The following PRR3 variants were observed in gnomAD, a reference collection of about 807,000 sequenced individuals.
PRR3 encodes the protein proline rich 3.
Under a neutral mutation model 22.4 loss-of-function variants are expected in PRR3, and 16 were observed. The observed-to-expected ratio is 0.71, with a 90% CI of 0.48 to 1.09. PRR3 has a LOEUF of 1.09. Among genes scored for constraint, PRR3 ranks in the 50% least tolerant of loss-of-function variants. The pLI is 0.00. For missense variants in PRR3, 224 were observed against 243.4 expected (o/e 0.92, Z 0.53); for synonymous variants, 87 against 88.6 (o/e 0.98, Z 0.10).
chr6:30,561,981 C>G lies in PRR3; in HGVS notation c.317C>G (p.Ala106Gly). The change falls in exon 3 of 4, where the codon GCA becomes GGA. Residue 106 changes from alanine (A) to glycine (G), a missense_variant. Transcript: ENST00000376560. The surrounding 1 kb of genome is among the most constrained non-coding windows in gnomAD (Gnocchi z 4.0). Reference protein sequence around the residue: ...PYGRGWWGVNAEPPFPGPGHG... With the variant: ...PYGRGWWGVNGEPPFPGPGHG... ...GGTCGTGGTTGGTGGGGAGTCAATG[C>G]AGAACCTCCTTTTCCGGGGCCAGGC... 6.2e-7 allele frequency: 1 copy of G among 1,613,068 alleles called. No individual in the cohort carries two copies. The highest frequency in any genetic ancestry group is 1.1e-5 in the South Asian group (1 of 91,086).
chr6:30,558,429 C>A, intron 2 of PRR3: 1 of 566,892 alleles, frequency 1.8e-6, no homozygotes, highest in East Asian at 2.8e-5. Flanking sequence ...CAAGTCAGAA[C>A]ACCCATAATG....
At chr6:30,562,320 C>G in intron 3 of PRR3, 69 bp from the exon 4 acceptor site, 1 of 1,283,036 alleles carries the variant, frequency 7.8e-7, no homozygotes, top group Non-Finnish European at 1.1e-6. Context: ...CCTTCTGTCT[C>G]TGCGTTTCAT....
chr6:30,559,809 C>CA (rs775433258), intron 2 of PRR3, among the ~76,000 whole-genome samples: 6,118 of 139,574 alleles, frequency 0.044, 192 homozygotes, highest in African/African-American at 0.095. Flanking sequence ...AGGTATATAT[C>CA]AAAAAAAAAA....
Position 30,563,452 on chromosome 6 carries a change from C to T in PRR3, c.*957C>T, listed in dbSNP as rs571643140. On this transcript the variant is annotated 3_prime_UTR_variant, in exon 4 of 4. Transcript: ENST00000376560. The stretch of plus-strand genomic sequence containing the variant: ...CATTCATTTGAATTCTGTGAATCTC[C>T]ACCTTGCCTATCTTTGGGTAGAAGC... The T allele has an allele frequency of 3.9e-5, 6 of 152,754 alleles. No individual in the cohort carries two copies. The East Asian group carries it at 9.7e-4, about 25-fold the overall frequency. The allele number at this position is 152,754 out of a possible 1,614,324, so 9.5% of individuals were successfully genotyped here.
In PRR3 at chr6:30,562,600, C is replaced by A; in HGVS notation, c.*105C>A. ...TACTGTGAGGCTCTTCTAACACCCT[C>A]AGTCAGTGACACACCCATCCCATCC... On this transcript the variant is annotated 3_prime_UTR_variant, in exon 4 of 4. Coordinates refer to ENST00000376560, the MANE Select transcript of PRR3 (RefSeq NM_025263.4). 1 of 727,998 alleles carries A rather than the reference C, an allele frequency of 1.4e-6. No individual in the cohort carries two copies. The highest frequency in any genetic ancestry group is 2.4e-6 in the Non-Finnish European group (1 of 418,100). 45.1% of individuals were successfully genotyped at this position (727,998 alleles called of 1,614,324 possible).
chr6:30,559,816 A>G (rs1273494166), intron 2 of PRR3, among the ~76,000 whole-genome samples: 1 of 152,164 alleles, frequency 6.6e-6, no homozygotes, highest in African/African-American at 2.4e-5. Context: ...TATCAAAAAA[A>G]AAAAAATGGA....
At chr6:30,558,755 T>C (rs997386179) in intron 2 of PRR3, among the ~76,000 whole-genome samples, 5 of 152,242 alleles carry the variant, frequency 3.3e-5, no homozygotes, top group African/African-American at 9.6e-5. Flanking sequence ...ATAGGACTTA[T>C]GTCCCGAAGA....
upstream of PRR3, chr6:30,557,040 G>A (rs942971506): frequency 2.7e-5 from 19 of 699,872 alleles, no homozygotes; most frequent in African/African-American, 3.3e-4. Context: ...TTGACTCTGT[G>A]ACACACTCTG....
chr6:30,558,128 A>G (rs1800380795), intron 1 of PRR3, 22 bp from the exon 2 acceptor site: 3 of 1,601,654 alleles, frequency 1.9e-6, no homozygotes, highest in Admixed American at 1.7e-5. Context: ...TCTGATGACC[A>G]TATTTTCATG....
chr6:30,557,011 C>T, upstream of PRR3: 2 of 685,120 alleles, frequency 2.9e-6, no homozygotes, highest in South Asian at 3.1e-5. Flanking sequence ...CTTCTCAGGC[C>T]CTCTGGCCCG....
At position 30,562,756 on chromosome 6, in the gene PRR3, ATCT is replaced by A. The variant is rs2127393282; in HGVS notation, c.*266_*268del. ...TTGCTTCCTTTCAGTTGCCTCCTGG[ATCT>A]TCTTTCCCGTCATCAAATGACTGCT... On this transcript the variant is annotated 3_prime_UTR_variant, in exon 4 of 4. Coordinates refer to ENST00000376560, the MANE Select transcript of PRR3 (RefSeq NM_025263.4). 2.7e-6 allele frequency: 1 copy of A among 377,344 alleles called. No individual in the cohort carries two copies. Among genetic ancestry groups the A allele is most frequent in the Admixed American group, 4.3e-5 (1 of 23,218 alleles). 23.4% of individuals were successfully genotyped at this position (377,344 alleles called of 1,614,324 possible).
Position 30,557,658 on chromosome 6 carries a change from T to G in PRR3, c.106+208T>G, listed in dbSNP as rs532296021. ...TCAACCTCAATACGGCCCCAGACCT[T>G]TCTGGAGAAGGCGGGGGTGGAGAGA... On this transcript the variant is annotated intron_variant, in intron 1 of 3. Transcript: ENST00000376560. Among the ~76,000 whole-genome samples the G allele has an allele frequency of 9.2e-5, 14 of 152,350 alleles. No individual in the cohort carries two copies. The South Asian group carries it at 1.9e-3, about 20-fold the overall frequency.
chr6:30,561,731 T>C lies in PRR3; in HGVS notation c.170-103T>C. ...TGCACTTAAAACTGGTGTGTCTTTA[T>C]GTATGCTGTTCTTCAATAAAAAAAA... On this transcript the variant is annotated intron_variant, in intron 2 of 3. Transcript: ENST00000376560. This position sits in a 1 kb window ranked among gnomAD's most constrained non-coding sequence, Gnocchi z 4.0. 1 of 1,024,428 alleles carries C rather than the reference T, an allele frequency of 9.8e-7. No individual in the cohort carries two copies. Among genetic ancestry groups the C allele is most frequent in the Non-Finnish European group, 1.4e-6 (1 of 721,648 alleles). The allele number at this position is 1,024,428 out of a possible 1,614,324, so 63.5% of individuals were successfully genotyped here.
At position 30,561,276 on chromosome 6, in the gene PRR3, GTA is replaced by G; in HGVS notation, c.170-556_170-555del. 2.2e-6 allele frequency: 1 copy of G among 448,408 alleles called. No individual in the cohort carries two copies. Among genetic ancestry groups the G allele is most frequent in the Admixed American group, 2.4e-5 (1 of 41,592 alleles). The allele number at this position is 448,408 out of a possible 1,614,324, so 27.8% of individuals were successfully genotyped here. A position where few individuals can be genotyped will look rare whatever the true frequency, so the allele number is the denominator to read the frequency against. Reference sequence around the variant, plus strand: ...GTATATATTCAACAGAAATGCATACGTATGTGTAACAACATGTATAAAAATGT... The same window carrying G: ...GTATATATTCAACAGAAATGCATACGTGTGTAACAACATGTATAAAAATGT... On this transcript the variant is annotated intron_variant, in intron 2 of 3. Transcript: ENST00000376560. The surrounding 1 kb of genome is among the most constrained non-coding windows in gnomAD (Gnocchi z 4.0).
At chr6:30,562,312 T>G in intron 3 of PRR3, 77 bp from the exon 4 acceptor site, 1 of 1,247,106 alleles carries the variant, frequency 8.0e-7, no homozygotes, top group Non-Finnish European at 1.2e-6. Flanking sequence ...TCAGTTCTCC[T>G]TCTGTCTCTG....
chr6:30,557,873 G>C (rs1800363899), intron 1 of PRR3, among the ~76,000 whole-genome samples: 1 of 152,202 alleles, frequency 6.6e-6, no homozygotes, highest in Non-Finnish European at 1.5e-5. Flanking sequence ...GAGACACTTA[G>C]GTTGTTTTGG....
intron 2 of PRR3, among the ~76,000 whole-genome samples, chr6:30,559,470 CA>C (rs747525659): frequency 1.9e-4 from 29 of 152,098 alleles, no homozygotes; most frequent in Admixed American, 1.0e-3. Flanking sequence ...ATAAATATAA[CA>C]AATAAAGATC....
chr6:30,559,825 G>A (rs1800506087), intron 2 of PRR3, among the ~76,000 whole-genome samples: 2 of 151,856 alleles, frequency 1.3e-5, no homozygotes, highest in South Asian at 4.1e-4. Context: ...AAAAAAAATG[G>A]AAAGCAGGGT....
Position 30,561,754 on chromosome 6 carries a change from A to G in PRR3, c.170-80A>G. ...TATGTATGCTGTTCTTCAATAAAAA[A>G]AATTTTTTTAATCACGGTTTATCAG... On this transcript the variant is annotated intron_variant, in intron 2 of 3. Coordinates refer to ENST00000376560, the MANE Select transcript of PRR3 (RefSeq NM_025263.4). This position sits in a 1 kb window ranked among gnomAD's most constrained non-coding sequence, Gnocchi z 4.0. 2.9e-6 allele frequency: 4 copies of G among 1,381,548 alleles called. No individual in the cohort carries two copies. Among genetic ancestry groups the G allele is most frequent in the Non-Finnish European group, 3.8e-6 (4 of 1,041,424 alleles). 85.6% of individuals were successfully genotyped at this position (1,381,548 alleles called of 1,614,324 possible).
Sources: gnomAD v4.1 joint callset for allele counts (sites outside exome capture counted in the v4.1 genomes callset) on GRCh38, gnomAD v4.1.1 for gene constraint, Gnocchi (gnomAD v3.1) non-coding constraint, MANE v1.5 for transcripts, NCBI Gene and HGNC (gene_info 2026-07-23, HGNC 2026-07-21) for gene names.